The following LRIT3 variants were observed in gnomAD, a reference collection of about 807,000 sequenced individuals.
LRIT3 encodes leucine-rich repeat, immunoglobulin-like domain and transmembrane domain-containing protein 3.
Under a neutral mutation model 22.6 loss-of-function variants are expected in LRIT3, and 14 were observed. That is an observed-to-expected ratio of 0.62 (90% CI 0.41 to 0.97). The LOEUF is 0.97. Ranked by LOEUF, LRIT3 falls within the 50% of genes least tolerant of loss-of-function variation. LRIT3 has a pLI of 0.00. For missense variants in LRIT3, 783 were observed against 803.0 expected, an observed-to-expected ratio of 0.98 and a Z score of 0.30; for synonymous variants, 306 against 304.5, an observed-to-expected ratio of 1.01 and a Z score of -0.05.
chr4:109,866,523 C>T (rs146566321), intron 2 of LRIT3, among the ~76,000 whole-genome samples: 77 of 152,258 alleles, frequency 5.1e-4, no homozygotes, highest in African/African-American at 1.7e-3. Flanking sequence ...CAGCAAATTT[C>T]GATTCCTTTA....
chr4:109,872,110 A>G lies in LRIT3; in HGVS notation c.*1321A>G, dbSNP rs1734851796. The stretch of plus-strand genomic sequence containing the variant: ...AACCTTACTAGATTAAACTTGCTCT[A>G]TGAAAGAAACACTTGGTAATTGACC... On this transcript the variant is annotated 3_prime_UTR_variant, in exon 4 of 4. Transcript: ENST00000594814. 1 of 152,226 alleles carries G rather than the reference A, an allele frequency of 6.6e-6. No homozygotes were observed. The highest frequency in any genetic ancestry group is 2.4e-5 in the African/African-American group (1 of 41,448). The allele number at this position is 152,226 out of a possible 1,614,324, so 9.4% of individuals were successfully genotyped here.
chr4:109,857,508 A>G (rs1171713450), intron 2 of LRIT3, among the ~76,000 whole-genome samples: 1 of 152,180 alleles, frequency 6.6e-6, no homozygotes, highest in African/African-American at 2.4e-5. Context: ...TACCAATCAT[A>G]GCTATGGTTA....
chr4:109,862,671 T>C (rs2125899824), intron 2 of LRIT3, among the ~76,000 whole-genome samples: 2 of 152,344 alleles, frequency 1.3e-5, no homozygotes, highest in South Asian at 4.1e-4. Context: ...TAAACATTTA[T>C]ACTCCAGATA....
chr4:109,848,472 G>C (rs376590041), intron 1 of LRIT3, among the ~76,000 whole-genome samples, 155 bp downstream of exon 1: 1 of 152,090 alleles, frequency 6.6e-6, no homozygotes, highest in African/African-American at 2.4e-5. Flanking sequence ...TTTTAACACT[G>C]GTCACCTACT....
At chr4:109,864,648 A>G (rs981800186) in intron 2 of LRIT3, among the ~76,000 whole-genome samples, 2 of 152,214 alleles carry the variant, frequency 1.3e-5, no homozygotes, top group African/African-American at 4.8e-5. Flanking sequence ...TTATAATAAC[A>G]TTTACATGTA....
Position 109,855,664 on chromosome 4 carries a change from C to T in LRIT3, c.589+3688C>T, listed in dbSNP as rs562154578. On this transcript the variant is annotated intron_variant, in intron 2 of 3. Coordinates refer to ENST00000594814, the MANE Select transcript of LRIT3 (RefSeq NM_198506.5). ...CAATTTTAGATCTTTCCTGCTTTCTCTTGTGGGCATGTAGTGCTATAAATT... is the reference window on the plus strand; with the variant it reads ...CAATTTTAGATCTTTCCTGCTTTCTTTTGTGGGCATGTAGTGCTATAAATT... Among the ~76,000 whole-genome samples, 3 of 152,214 alleles carry T rather than the reference C, an allele frequency of 2.0e-5. No individual in the cohort carries two copies. The South Asian group carries it at 6.2e-4, about 32-fold the overall frequency.
At position 109,869,200 on chromosome 4, in the gene LRIT3, G is replaced by A. The variant is rs998361492; in HGVS notation, c.896-445G>A. On this transcript the variant is annotated intron_variant, in intron 3 of 3. Coordinates refer to ENST00000594814, the MANE Select transcript of LRIT3 (RefSeq NM_198506.5). Reference sequence around the variant, plus strand: ...TTATTACCATGAAAACATATAATAAGAAATACTTAAGTAAGATCTTATGAA... The same window carrying A: ...TTATTACCATGAAAACATATAATAAAAAATACTTAAGTAAGATCTTATGAA... 5.3e-5 allele frequency among the ~76,000 whole-genome samples: 8 copies of A among 152,218 alleles called. No homozygotes were observed. The East Asian group carries it at 1.5e-3, about 29-fold the overall frequency.
Position 109,851,225 on chromosome 4 carries a change from G to A in LRIT3, c.117-279G>A, listed in dbSNP as rs189704866. ...CTATTCTGTGCCAGGAAGTTGTAGA[G>A]TTTTACATCCATTGTAATTAATCAT... On this transcript the variant is annotated intron_variant, in intron 1 of 3. Coordinates refer to ENST00000594814, the MANE Select transcript of LRIT3 (RefSeq NM_198506.5). 107 of 343,406 alleles carry A rather than the reference G, an allele frequency of 3.1e-4. 1 individual carries two copies. Among genetic ancestry groups the A allele is most frequent in the African/African-American group, 2.1e-3 (101 of 48,078 alleles). The allele number at this position is 343,406 out of a possible 1,614,324, so 21.3% of individuals were successfully genotyped here.
At position 109,854,198 on chromosome 4, in the gene LRIT3, A is replaced by G. The variant is rs138893468; in HGVS notation, c.589+2222A>G. On this transcript the variant is annotated intron_variant, in intron 2 of 3. Transcript: ENST00000594814. ...TGGGCAGTATGGCCATTTTCACAAT[A>G]TTGATTCTTCCTATCCATGAGCATG... is the stretch of plus-strand genomic sequence containing the variant. Among the ~76,000 whole-genome samples the G allele has an allele frequency of 0.011, 1,735 of 152,212 alleles. 82 individuals are homozygous for G. In the East Asian group the frequency reaches 0.12, roughly 11 times the overall value.
In LRIT3 at chr4:109,858,200, G is replaced by A. The variant is rs189909089; in HGVS notation, c.589+6224G>A. On this transcript the variant is annotated intron_variant, in intron 2 of 3. Transcript: ENST00000594814. ...CATGTCATGGCTCGAATAAGAGGAG[G>A]AAAAGGAATATAGGCCCAATATGTA... is the stretch of plus-strand genomic sequence containing the variant. 4.1e-3 allele frequency among the ~76,000 whole-genome samples: 625 copies of A among 152,248 alleles called. 3 individuals carry two copies. The highest frequency in any genetic ancestry group is 0.021 in the South Asian group (102 of 4,828).
intron 1 of LRIT3, among the ~76,000 whole-genome samples, chr4:109,849,310 T>C (rs1734151910): frequency 6.6e-6 from 1 of 152,228 alleles, no homozygotes; most frequent in Admixed American, 6.5e-5. Flanking sequence ...TCCAGGGACG[T>C]GTAGCAGTGA....
At chr4:109,869,547 G>A in intron 3 of LRIT3, 98 bp from the exon 4 acceptor site, 1 of 1,160,942 alleles carries the variant, frequency 8.6e-7, no homozygotes, top group Non-Finnish European at 1.2e-6. Context: ...TTCTGTGAGA[G>A]GATGCATGTA....
rs970700649 is a variant in LRIT3, at chr4:109,848,135, C to T, written c.-67C>T. 48 of 730,726 alleles carry T rather than the reference C, an allele frequency of 6.6e-5. No homozygotes were observed. The highest frequency in any genetic ancestry group is 7.9e-5 in the Non-Finnish European group (42 of 530,524). 45.3% of individuals were successfully genotyped at this position (730,726 alleles called of 1,614,324 possible). ...ACTAAATGGCTGTTTGTATTCCAGGCATACCAGGTTCTGAATGCTTAGGAT... is the reference window on the plus strand; with the variant it reads ...ACTAAATGGCTGTTTGTATTCCAGGTATACCAGGTTCTGAATGCTTAGGAT... On this transcript the variant is annotated 5_prime_UTR_variant, in exon 1 of 4. Coordinates refer to ENST00000594814, the MANE Select transcript of LRIT3 (RefSeq NM_198506.5).
intron 1 of LRIT3, among the ~76,000 whole-genome samples, chr4:109,850,415 CTTCCTTCCT>C (rs1560588938): frequency 0.017 from 294 of 17,670 alleles, 37 homozygotes; most frequent in African/African-American, 0.023. Flanking sequence ...TCCTTCCTTC[CTTCCTTCCT>C]TTCTTTCTTT....
chr4:109,849,964 T>A (rs1160246260), intron 1 of LRIT3, among the ~76,000 whole-genome samples: 1 of 152,228 alleles, frequency 6.6e-6, no homozygotes, highest in Non-Finnish European at 1.5e-5. Flanking sequence ...AAAGTAGTAC[T>A]GAAATCTGTG....
intron 2 of LRIT3, among the ~76,000 whole-genome samples, chr4:109,858,333 G>C (rs1429172435): frequency 6.6e-6 from 1 of 152,148 alleles, no homozygotes; most frequent in Non-Finnish European, 1.5e-5. Context: ...TGTTCAGGAT[G>C]GCTGACTGGA....
At position 109,870,266 on chromosome 4, in the gene LRIT3, T is replaced by C; in HGVS notation, c.1517T>C (p.Met506Thr). ...TKESVTLTWNMINTTHNSAVT... is the reference protein window; with the variant it reads ...TKESVTLTWNTINTTHNSAVT... ...GAGAGTGTGACATTGACGTGGAATA[T>C]GATCAACACCACACATAACTCTGCA... is the stretch of plus-strand genomic sequence containing the variant. The change falls in exon 4 of 4, where the codon ATG becomes ACG. Residue 506 changes from methionine to threonine, a missense_variant. Around this residue, in one of 2 missense-constraint regions of LRIT3, gnomAD observed 756 missense variants for 753.8 expected, o/e 1.00. Coordinates refer to ENST00000594814, the MANE Select transcript of LRIT3 (RefSeq NM_198506.5). 1.2e-6 allele frequency: 2 copies of C among 1,614,214 alleles called. No homozygotes were observed. The highest frequency in any genetic ancestry group is 4.5e-5 in the East Asian group (2 of 44,888).
intron 1 of LRIT3, among the ~76,000 whole-genome samples, chr4:109,848,935 G>T (rs1440119710): frequency 6.6e-6 from 1 of 152,198 alleles, no homozygotes; most frequent in Non-Finnish European, 1.5e-5. Context: ...TGTGTAGTGA[G>T]AAGAGTTATT....
chr4:109,851,920 A>C lies in LRIT3; in HGVS notation c.533A>C (p.His178Pro). The stretch of plus-strand genomic sequence containing the variant: ...CCAGATTTCCTGGAGAGCTGGACTC[A>C]TTTAGTTTCAACACCTTCTGGAGTC... ...LPPDFLESWT[H>P]LVSTPSGVLD... Residue 178 changes from histidine (H) to proline (P), a missense_variant, in exon 2 of 4, where the codon CAT becomes CCT. His to Pro is a moderately conservative substitution (Grantham distance 77). Around this residue, in one of 2 missense-constraint regions of LRIT3, gnomAD observed 756 missense variants for 753.8 expected, o/e 1.00. Coordinates refer to ENST00000594814, the MANE Select transcript of LRIT3 (RefSeq NM_198506.5). 6.4e-7 allele frequency: 1 copy of C among 1,551,574 alleles called. No individual in the cohort carries two copies. Among genetic ancestry groups the C allele is most frequent in the Non-Finnish European group, 8.7e-7 (1 of 1,146,926 alleles).
Sources: allele counts gnomAD v4.1 joint callset (sites outside exome capture counted in the v4.1 genomes callset), GRCh38; gene constraint gnomAD v4.1.1; regional missense constraint gnomAD v4.1.1; transcripts MANE v1.5; gene names NCBI Gene and HGNC (gene_info 2026-07-23, HGNC 2026-07-21).